The following ENPP2 variants were observed in gnomAD, a reference collection of about 807,000 sequenced individuals.
The protein encoded by ENPP2 is autotaxin.
Under a neutral mutation model 120.2 loss-of-function variants are expected in ENPP2, and 51 were observed. The observed-to-expected ratio is 0.42, with a 90% CI of 0.34 to 0.54. The LOEUF (loss-of-function observed/expected upper bound fraction) is 0.54. Among genes scored for constraint, ENPP2 ranks in the 20% least tolerant of loss-of-function variants. The pLI, the probability that ENPP2 is intolerant of heterozygous loss-of-function variation, is 0.04. For synonymous variants in ENPP2, 365 were observed against 366.4 expected (o/e 1.00, Z 0.04); for missense variants, 920 against 1,066.5 (o/e 0.86, Z 1.91).
intron 3 of ENPP2, among the ~76,000 whole-genome samples, chr8:119,623,298 T>C (rs1321939559): frequency 6.6e-6 from 1 of 151,962 alleles, no homozygotes; most frequent in African/African-American, 2.4e-5. Context: ...ACCCCGTCTC[T>C]ACTAAAGATA....
exon 1 of ENPP2, chr8:119,673,376 G>C: frequency 2.3e-6 from 3 of 1,324,264 alleles, no homozygotes; most frequent in Non-Finnish European, 3.1e-6. Context: ...GCTGCGGACT[G>C]CTCTTGTTTG....
chr8:119,664,529 T>C lies in ENPP2; in HGVS notation c.21+8723A>G, dbSNP rs976455203. Among the ~76,000 whole-genome samples the C allele has an allele frequency of 3.3e-5, 5 of 152,346 alleles. No individual in the cohort carries two copies. The South Asian group carries it at 1.0e-3, about 32-fold the overall frequency. ...GACGAAGAGCAAACTCTGTGGTGAC[T>C]AGAAAGTGAAATAATGTTGTACTGA... On this transcript the variant is annotated intron_variant, in intron 1 of 25. Transcript: ENST00000427067.
intron 9 of ENPP2, among the ~76,000 whole-genome samples, 182 bp from the exon 10 acceptor site, chr8:119,601,644 C>T (rs1457077400): frequency 2.0e-5 from 3 of 152,174 alleles, no homozygotes; most frequent in Non-Finnish European, 2.9e-5. Context: ...CCATTTGCAA[C>T]ATATTACGTT....
chr8:119,611,245 A>C (rs1815084458), intron 8 of ENPP2, among the ~76,000 whole-genome samples: 1 of 152,212 alleles, frequency 6.6e-6, no homozygotes, highest in Non-Finnish European at 1.5e-5. Flanking sequence ...TTTTCAAAAA[A>C]CATAAACTAC....
chr8:119,571,918 T>G, intron 19 of ENPP2: 1 of 350,602 alleles, frequency 2.9e-6, no homozygotes, highest in East Asian at 4.6e-5. Context: ...CAGATAGAAC[T>G]GCGGATTTGA....
At chr8:119,595,977 G>A in intron 11 of ENPP2, 2 of 1,613,996 alleles carry the variant, frequency 1.2e-6, no homozygotes, top group South Asian at 1.1e-5. Flanking sequence ...CTTAGCCGGA[G>A]TAAAAGGTGA....
At chr8:119,570,680 T>C in intron 20 of ENPP2, 25 bp downstream of exon 20, 1 of 1,375,248 alleles carries the variant, frequency 7.3e-7, no homozygotes, top group Non-Finnish European at 9.8e-7. Context: ...AAATAAAAAA[T>C]ATAAAATCCA....
intron 1 of ENPP2, among the ~76,000 whole-genome samples, chr8:119,673,097 T>G (rs1165670496): frequency 6.6e-6 from 1 of 152,196 alleles, no homozygotes; most frequent in African/African-American, 2.4e-5. Flanking sequence ...CGCCTGCAAA[T>G]TGCTCCAGCT....
chr8:119,564,655 G>A (rs983948828), intron 23 of ENPP2, among the ~76,000 whole-genome samples, 168 bp downstream of exon 23: 5 of 151,642 alleles, frequency 3.3e-5, no homozygotes, highest in African/African-American at 1.2e-4. Context: ...TCCAGCCTGG[G>A]CAACAGAGCA....
At chr8:119,628,591 G>C (rs548649640) in intron 2 of ENPP2, among the ~76,000 whole-genome samples, 7 of 152,208 alleles carry the variant, frequency 4.6e-5, no homozygotes, top group African/African-American at 1.7e-4. Flanking sequence ...TCCTTAAAAA[G>C]AATGAGTCAG....
At chr8:119,618,967 G>T (rs1319036496) in intron 5 of ENPP2, among the ~76,000 whole-genome samples, 1 of 152,078 alleles carries the variant, frequency 6.6e-6, no homozygotes. Flanking sequence ...ATATTCAGAT[G>T]CACTTTGTAA....
At chr8:119,673,310 T>G (rs1818309987) in exon 1 of ENPP2, 1 of 1,534,576 alleles carries the variant, frequency 6.5e-7, no homozygotes. Flanking sequence ...GCCCGGGCGC[T>G]GCGGACGCGG....
intron 1 of ENPP2, among the ~76,000 whole-genome samples, chr8:119,646,675 T>C (rs1248459706): frequency 6.6e-6 from 1 of 152,220 alleles, no homozygotes; most frequent in East Asian, 1.9e-4. Flanking sequence ...ATAGGATTCT[T>C]GAGAGTATTA....
intron 19 of ENPP2, chr8:119,572,129 A>T: frequency 9.7e-7 from 1 of 1,035,900 alleles, no homozygotes; most frequent in Non-Finnish European, 1.5e-6. Flanking sequence ...AGTAGTACTT[A>T]GGGGCAGTAA....
intron 17 of ENPP2, among the ~76,000 whole-genome samples, chr8:119,583,154 C>T (rs1812865453): frequency 1.3e-5 from 2 of 152,110 alleles, no homozygotes; most frequent in South Asian, 2.1e-4. Context: ...CAGTAACTTG[C>T]TTGAGCTCAG....
chr8:119,658,700 C>T (rs763371411), intron 1 of ENPP2, among the ~76,000 whole-genome samples: 39 of 152,152 alleles, frequency 2.6e-4, no homozygotes, highest in Non-Finnish European at 4.1e-4. Context: ...TGAGCACTTA[C>T]CCAACTCCTG....
intron 22 of ENPP2, 47 bp downstream of exon 22, chr8:119,568,128 T>C (rs764992245): frequency 5.1e-6 from 5 of 981,094 alleles, no homozygotes; most frequent in Admixed American, 1.9e-5. Flanking sequence ...AATTTAGAAA[T>C]GTTTATTTTC....
intron 17 of ENPP2, 74 bp downstream of exon 17, chr8:119,583,640 CTTT>C: frequency 1.2e-6 from 1 of 825,752 alleles, no homozygotes; most frequent in South Asian, 1.8e-5. Flanking sequence ...CACCTCATTT[CTTT>C]CTCTGACATT....
chr8:119,560,601 GTC>G (rs1813852097), intron 24 of ENPP2, among the ~76,000 whole-genome samples: 2 of 152,136 alleles, frequency 1.3e-5, no homozygotes, highest in South Asian at 4.1e-4. Context: ...ACAATGTTCA[GTC>G]TCCTCCATTT....
Sources: gnomAD v4.1 joint callset for allele counts (sites outside exome capture counted in the v4.1 genomes callset) on GRCh38, gnomAD v4.1.1 for gene constraint, MANE v1.5 for transcripts, NCBI Gene and HGNC (gene_info 2026-07-23, HGNC 2026-07-21) for gene names.